Variants in ANK1 observed in about 807,000 individuals in gnomAD.
ANK1 encodes the protein ankyrin-1.
ANK1 carries 51 observed loss-of-function variants against 210.4 expected under a neutral mutation model. The observed-to-expected ratio is 0.24, with a 90% confidence interval of 0.19 to 0.31. The LOEUF (loss-of-function observed/expected upper bound fraction) is 0.31. Among genes scored for constraint, ANK1 ranks in the 10% least tolerant of loss-of-function variants. ANK1 has a pLI of 1.00. For missense variants in ANK1, 2,051 were observed against 2,504.4 expected (o/e 0.82, Z 3.86); for synonymous variants, 967 against 1,025.9 (o/e 0.94, Z 1.10).
chr8:41,731,233 G>A (rs915026210), intron 3 of ANK1, among the ~76,000 whole-genome samples: 2 of 152,170 alleles, frequency 1.3e-5, no homozygotes, highest in East Asian at 1.9e-4. Context: ...CACCATGAAA[G>A]AACATGGCCT....
At chr8:41,660,521 G>A (rs1171833594) in intron 42 of ANK1, 3 of 467,466 alleles carry the variant, frequency 6.4e-6, no homozygotes, top group South Asian at 1.6e-5. Flanking sequence ...CAGGGAGGAT[G>A]GAGATCAGAG....
intron 2 of ANK1, among the ~76,000 whole-genome samples, chr8:41,754,138 C>T (rs1008579847): frequency 1.3e-5 from 2 of 152,206 alleles, no homozygotes; most frequent in African/African-American, 4.8e-5. Context: ...CAGTTCAGAA[C>T]GGATAAGGAA....
chr8:41,672,564 T>C lies in ANK1; in HGVS notation c.4886A>G (p.Asp1629Gly). 1.9e-6 allele frequency: 3 copies of C among 1,614,252 alleles called. No homozygotes were observed. Among genetic ancestry groups the C allele is most frequent in the South Asian group, 1.1e-5 (1 of 91,086 alleles). The change falls in exon 38 of 43, where the codon GAT becomes GGT. Residue 1629 changes from aspartate to glycine, a missense_variant. By Grantham distance (94) the Asp-to-Gly change is moderately conservative (BLOSUM62 -1). Coordinates refer to ENST00000289734, the MANE Select transcript of ANK1 (RefSeq NM_000037.4). ...ELVEDDTVDS[D>G]ATNGLIDLLE... is the part of the protein sequence containing the mutation. ...CAAATCGATAAGGCCATTTGTGGCATCTGAATCCACTGTGTCGTCCTCCAC... is the reference window on the plus strand; with the variant it reads ...CAAATCGATAAGGCCATTTGTGGCACCTGAATCCACTGTGTCGTCCTCCAC...
In ANK1 at chr8:41,661,923, G is replaced by A. The variant is rs137852831; in HGVS notation, c.5497C>T (p.Arg1833Ter). 2 of 1,613,804 alleles carry A rather than the reference G, an allele frequency of 1.2e-6. No homozygotes were observed. The highest frequency in any genetic ancestry group is 1.3e-5 in the African/African-American group (1 of 74,886). Residue 1833 changes from arginine (R) to a stop codon, truncating the protein, a stop_gained, in exon 41 of 43, where the codon CGA becomes TGA. Transcript: ENST00000289734. LOFTEE classifies it high-confidence loss of function. ...VTKKIIRKVV[R>*]QIDLSSADAA... is the part of the protein sequence containing the mutation. ...TCGGCGCTGGACAAGTCTATCTGTCGAACCACCTTGCGAATGATCTAGGAA... is the reference window on the plus strand; with the variant it reads ...TCGGCGCTGGACAAGTCTATCTGTCAAACCACCTTGCGAATGATCTAGGAA...
At chr8:41,703,990 C>T in intron 20 of ANK1, 51 bp downstream of exon 20, 2 of 1,540,724 alleles carry the variant, frequency 1.3e-6, no homozygotes, top group Non-Finnish European at 9.0e-7. Flanking sequence ...TCACACAGGG[C>T]TGCTGCCATG....
intron 1 of ANK1, among the ~76,000 whole-genome samples, chr8:41,888,552 A>T (rs533436483): frequency 3.3e-5 from 5 of 152,360 alleles, no homozygotes; most frequent in African/African-American, 1.2e-4. Flanking sequence ...CCTGGGAAGC[A>T]TCCACATAAA....
chr8:41,715,814 G>T lies in ANK1; in HGVS notation c.1440C>A (p.Ile480=). 21 of 1,614,218 alleles carry T rather than the reference G, an allele frequency of 1.3e-5. No individual in the cohort carries two copies. Among genetic ancestry groups the T allele is most frequent in the African/African-American group, 2.7e-5 (2 of 75,060 alleles). The part of the protein sequence containing the change: ...DQTPLHCAAR[I]GHTNMVKLLL... ...GGAGCTTCACCATGTTTGTGTGGCC[G>T]ATGCGAGCTGCACAGTGAAGTGGGG... The change falls in exon 14 of 43, where the codon ATC becomes ATA. Residue 480 remains isoleucine, a synonymous_variant. Coordinates refer to ENST00000289734, the MANE Select transcript of ANK1 (RefSeq NM_000037.4).
intron 1 of ANK1, among the ~76,000 whole-genome samples, chr8:41,840,555 C>T (rs962167968): frequency 6.6e-5 from 10 of 152,266 alleles, no homozygotes; most frequent in African/African-American, 1.9e-4. Context: ...GATTTGGTTC[C>T]GGGTGAGGGC....
intron 1 of ANK1, among the ~76,000 whole-genome samples, chr8:41,857,260 G>A (rs184065933): frequency 1.4e-5 from 2 of 146,526 alleles, no homozygotes; most frequent in East Asian, 4.0e-4. Context: ...ACCCCTCTTT[G>A]ACTCGTTTCT....
intron 10 of ANK1, 111 bp from the exon 11 acceptor site, chr8:41,718,315 G>T: frequency 1.1e-6 from 1 of 928,090 alleles, no homozygotes; most frequent in Non-Finnish European, 1.7e-6. Context: ...CAGGCCACCA[G>T]CAGATGCCCA....
In ANK1 at chr8:41,693,901, T is replaced by G; in HGVS notation, c.3529A>C (p.Ile1177Leu). The G allele has an allele frequency of 6.2e-7, 1 of 1,606,468 alleles. No homozygotes were observed. Among genetic ancestry groups the G allele is most frequent in the Non-Finnish European group, 8.5e-7 (1 of 1,176,890 alleles). Residue 1177 changes from isoleucine (I) to leucine (L), a missense_variant, in exon 29 of 43, where the codon ATT (isoleucine) becomes CTT (leucine). Physicochemically the swap from Ile to Leu is conservative, Grantham distance 5 (BLOSUM62 2). Transcript: ENST00000289734. The stretch of plus-strand genomic sequence containing the variant: ...GCGAGGCAGGGGCCCCTCTCACCAA[T>G]GACGCTGCAAAGCAGGCGCAGGCTG... Reference protein sequence around the residue: ...TTSLRLLCSVIGGTDQAQWED... With the variant: ...TTSLRLLCSVLGGTDQAQWED...
At chr8:41,769,982 T>C (rs1004441841) in intron 1 of ANK1, among the ~76,000 whole-genome samples, 17 of 140,430 alleles carry the variant, frequency 1.2e-4, no homozygotes, top group African/African-American at 2.4e-4. Context: ...TTTTTCTTTT[T>C]TTTTTTTTTT....
chr8:41,748,891 C>A (rs544204952), intron 2 of ANK1, among the ~76,000 whole-genome samples: 56 of 152,138 alleles, frequency 3.7e-4, no homozygotes, highest in African/African-American at 1.1e-3. Flanking sequence ...AAAAATTAGC[C>A]GGGCGTGGTG....
intron 37 of ANK1, among the ~76,000 whole-genome samples, chr8:41,676,520 G>T (rs1814209526): frequency 6.6e-6 from 1 of 152,174 alleles, no homozygotes; most frequent in Admixed American, 6.5e-5. Flanking sequence ...CTCCCAGTCT[G>T]TAGCTCGTCT....
chr8:41,707,252 T>C (rs1314448667), intron 17 of ANK1, among the ~76,000 whole-genome samples: 2 of 152,214 alleles, frequency 1.3e-5, no homozygotes, highest in Non-Finnish European at 2.9e-5. Flanking sequence ...GTATCAGAGA[T>C]GTTGTTTGAT....
chr8:41,706,623 T>C (rs957276306), intron 17 of ANK1, among the ~76,000 whole-genome samples: 1 of 152,274 alleles, frequency 6.6e-6, no homozygotes, highest in Non-Finnish European at 1.5e-5. Context: ...TTTATGGCAC[T>C]TTCCCATCGT....
At chr8:41,831,020 A>C (rs1304854159) in intron 1 of ANK1, among the ~76,000 whole-genome samples, 1 of 152,070 alleles carries the variant, frequency 6.6e-6, no homozygotes, top group African/African-American at 2.4e-5. Flanking sequence ...GTGTCCCATA[A>C]ACGGATCCCA....
chr8:41,797,637 G>T (rs933042482), upstream of ANK1: 13 of 1,570,686 alleles, frequency 8.3e-6, no homozygotes, highest in Non-Finnish European at 1.1e-5. This position sits in a 1 kb window ranked among gnomAD's most constrained non-coding sequence, Gnocchi z 4.0. Flanking sequence ...GGCCTGTGAC[G>T]TGCGGGCCAG....
intron 1 of ANK1, among the ~76,000 whole-genome samples, chr8:41,810,882 A>T (rs1474522072): frequency 2.0e-5 from 3 of 152,228 alleles, no homozygotes; most frequent in Non-Finnish European, 4.4e-5. Flanking sequence ...GGGAAACTGA[A>T]ACAATGGATG....
Sources: gnomAD v4.1 joint callset for allele counts (sites outside exome capture counted in the v4.1 genomes callset) on GRCh38, gnomAD v4.1.1 for gene constraint, Gnocchi (gnomAD v3.1) non-coding constraint, MANE v1.5 for transcripts, NCBI Gene and HGNC (gene_info 2026-07-23, HGNC 2026-07-21) for gene names.